CUX2: variants seen among roughly 807,000 people sequenced by gnomAD.
CUX2 encodes the protein homeobox protein cut-like 2.
In CUX2, 40 loss-of-function variants were observed where a neutral mutation model predicts 144.8. The ratio of observed to expected loss-of-function variants is 0.28; its 90% CI spans 0.21 to 0.36. CUX2 has a LOEUF of 0.36. Ranked by LOEUF, CUX2 falls within the 10% of genes least tolerant of loss-of-function variation. The pLI is 1.00. For synonymous variants in CUX2, 827 were observed against 875.6 expected (o/e 0.94, Z 0.98); for missense variants, 1,615 against 1,994.0 (o/e 0.81, Z 3.62).
chr12:111,094,456 T>C (rs1007247340), intron 1 of CUX2, among the ~76,000 whole-genome samples: 13 of 152,360 alleles, frequency 8.5e-5, no homozygotes. Context: ...GACCTGTGTC[T>C]TCCCCCTGTG....
intron 1 of CUX2, among the ~76,000 whole-genome samples, chr12:111,157,744 TC>T (rs1490430974): frequency 6.6e-6 from 1 of 152,222 alleles, no homozygotes; most frequent in African/African-American, 2.4e-5. Context: ...ATTTGTTATC[TC>T]TGCCTCATAA....
intron 4 of CUX2, among the ~76,000 whole-genome samples, chr12:111,265,470 T>C (rs1028066718): frequency 2.0e-5 from 3 of 151,858 alleles, no homozygotes; most frequent in South Asian, 4.2e-4. Flanking sequence ...GCCTCCCGAG[T>C]AGCTGGGATT....
chr12:111,122,161 A>G (rs1874733159), intron 1 of CUX2, among the ~76,000 whole-genome samples: 1 of 152,116 alleles, frequency 6.6e-6, no homozygotes, highest in Non-Finnish European at 1.5e-5. Flanking sequence ...GATGCCTTTA[A>G]TCCTCAACTT....
intron 1 of CUX2, among the ~76,000 whole-genome samples, chr12:111,072,849 A>G (rs889296260): frequency 5.3e-5 from 8 of 152,354 alleles, no homozygotes; most frequent in Admixed American, 5.2e-4. Flanking sequence ...GGGGGCACAC[A>G]CATTGCAGAA....
intron 3 of CUX2, among the ~76,000 whole-genome samples, chr12:111,241,961 A>G (rs909749022): frequency 3.9e-5 from 6 of 152,288 alleles, no homozygotes; most frequent in African/African-American, 1.4e-4. Context: ...TTGAAAAGTC[A>G]TGAAAAGACC....
chr12:111,071,433 G>A (rs1381855394), intron 1 of CUX2, among the ~76,000 whole-genome samples: 1 of 152,134 alleles, frequency 6.6e-6, no homozygotes, highest in East Asian at 1.9e-4. Flanking sequence ...CTTTGGTGAG[G>A]ATCTGTTAAG....
chr12:111,269,981 C>T (rs1884562565), intron 4 of CUX2, among the ~76,000 whole-genome samples: 1 of 152,192 alleles, frequency 6.6e-6, no homozygotes, highest in South Asian at 2.1e-4. Flanking sequence ...TTTAGGGCCT[C>T]TAATTCATTT....
chr12:111,156,953 T>A (rs1204393144), intron 1 of CUX2, among the ~76,000 whole-genome samples: 3 of 113,222 alleles, frequency 2.6e-5, no homozygotes, highest in Non-Finnish European at 4.9e-5. Context: ...GCCACTGCAC[T>A]CCAGCCTGGG....
intron 1 of CUX2, among the ~76,000 whole-genome samples, chr12:111,201,384 T>C (rs1435127612): frequency 6.6e-6 from 1 of 151,952 alleles, no homozygotes. Context: ...TCCCACAACT[T>C]CCCAACCTAA....
At chr12:111,225,000 G>A (rs1277490148) in intron 3 of CUX2, among the ~76,000 whole-genome samples, 1 of 152,130 alleles carries the variant, frequency 6.6e-6, no homozygotes, top group Non-Finnish European at 1.5e-5. Context: ...CCGCCTCCCA[G>A]GCTCAAGTGA....
At chr12:111,091,936 C>G (rs545478267) in intron 1 of CUX2, among the ~76,000 whole-genome samples, 4 of 152,360 alleles carry the variant, frequency 2.6e-5, no homozygotes, top group African/African-American at 9.6e-5. Flanking sequence ...CCGATATGCT[C>G]TCATCTTAAC....
chr12:111,121,234 C>T (rs1443131636), intron 1 of CUX2, among the ~76,000 whole-genome samples: 1 of 151,962 alleles, frequency 6.6e-6, no homozygotes, highest in Non-Finnish European at 1.5e-5. Flanking sequence ...CTATGTCACC[C>T]AGTTGCCCTC....
At chr12:111,149,290 ATTG>A (rs1199618172) in intron 1 of CUX2, among the ~76,000 whole-genome samples, 1 of 152,056 alleles carries the variant, frequency 6.6e-6, no homozygotes, top group Admixed American at 6.6e-5. Context: ...CTTATCGGCT[ATTG>A]TTGGTGTATT....
At chr12:111,158,568 G>A (rs1386389335) in intron 1 of CUX2, among the ~76,000 whole-genome samples, 1 of 152,082 alleles carries the variant, frequency 6.6e-6, no homozygotes, top group Non-Finnish European at 1.5e-5. Context: ...GCTGGGGAAG[G>A]GAATGGGACT....
Position 111,061,473 on chromosome 12 carries a change from A to G in CUX2, c.63+27233A>G, listed in dbSNP as rs1019946858. Among the ~76,000 whole-genome samples the G allele has an allele frequency of 1.3e-5, 2 of 152,198 alleles. No homozygotes were observed. Among genetic ancestry groups the G allele is most frequent in the African/African-American group, 4.8e-5 (2 of 41,436 alleles). The stretch of plus-strand genomic sequence containing the variant: ...AAAGTAATTTTGCATTATGGAAGAC[A>G]AAGTCGCCCCATTATCGGAGGGCTT... On this transcript the variant is annotated intron_variant, in intron 1 of 21. Transcript: ENST00000261726. This position sits in a 1 kb window ranked among gnomAD's most constrained non-coding sequence, Gnocchi z 4.2.
intron 1 of CUX2, among the ~76,000 whole-genome samples, chr12:111,086,326 G>T (rs1872215410): frequency 6.6e-6 from 1 of 152,252 alleles, no homozygotes; most frequent in African/African-American, 2.4e-5. Flanking sequence ...CTGGAACTGT[G>T]TAGCCTGGGG....
intron 1 of CUX2, among the ~76,000 whole-genome samples, chr12:111,047,309 G>A (rs1427605984): frequency 4.6e-5 from 7 of 152,204 alleles, no homozygotes; most frequent in African/African-American, 1.7e-4. Flanking sequence ...TGATAAAGAA[G>A]GAAGGAGATA....
chr12:111,193,284 C>T (rs909085195), intron 1 of CUX2, among the ~76,000 whole-genome samples: 9 of 152,234 alleles, frequency 5.9e-5, no homozygotes, highest in Non-Finnish European at 8.8e-5. Context: ...TCTGACCTGG[C>T]ACAAGCATCC....
Position 111,310,142 on chromosome 12 carries a change from C to G in CUX2, c.1360C>G (p.Pro454Ala). The G allele has an allele frequency of 6.5e-7, 1 of 1,534,086 alleles. No individual in the cohort carries two copies. The highest frequency in any genetic ancestry group is 1.3e-5 in the South Asian group (1 of 79,462). The change falls in exon 15 of 22, where the codon CCC (proline) becomes GCC (alanine). Residue 454 changes from proline (P) to alanine (A), a missense_variant. Coordinates refer to ENST00000261726, the MANE Select transcript of CUX2 (RefSeq NM_015267.4). The surrounding 1 kb of genome is among the most constrained non-coding windows in gnomAD (Gnocchi z 7.9). ...CCCACCTCCACCAGGGCCAGAAGAC[C>G]CCCTGTCTCCCAGCCCCGGGCAGCC... is the stretch of plus-strand genomic sequence containing the variant. The part of the protein sequence containing the change: ...QLPPPPGPED[P>A]LSPSPGQPLL...
Sources: allele counts gnomAD v4.1 joint callset (sites outside exome capture counted in the v4.1 genomes callset), GRCh38; gene constraint gnomAD v4.1.1; non-coding constraint Gnocchi (gnomAD v3.1); transcripts MANE v1.5; gene names NCBI Gene and HGNC (gene_info 2026-07-23, HGNC 2026-07-21).